OR1J2: variants seen among roughly 807,000 people sequenced by gnomAD.
OR1J2 encodes the protein olfactory receptor family 1 subfamily J member 2.
For missense variants in OR1J2, 304 were observed against 246.1 expected, an observed-to-expected ratio of 1.24 and a Z score of -1.57; for synonymous variants, 142 against 99.7, an observed-to-expected ratio of 1.42 and a Z score of -2.52.
the OR1J2 span, among the ~76,000 whole-genome samples, chr9:122,490,831 G>A: frequency 6.6e-6 from 1 of 152,198 alleles, no homozygotes; most frequent in Admixed American, 6.5e-5. Context: ...AAAGAGCCAT[G>A]GAAGGACTTG....
the OR1J2 span, among the ~76,000 whole-genome samples, chr9:122,460,927 G>A: frequency 4.6e-5 from 7 of 152,188 alleles, no homozygotes; most frequent in African/African-American, 1.7e-4. Flanking sequence ...CCCTCTTGGT[G>A]TATAACAGGG....
the OR1J2 span, among the ~76,000 whole-genome samples, chr9:122,489,167 A>G: frequency 2.0e-5 from 3 of 152,162 alleles, no homozygotes; most frequent in African/African-American, 7.2e-5. Flanking sequence ...GTGCTGTGGG[A>G]ACACAAAGGG....
At chr9:122,538,235 C>A in the OR1J2 span, among the ~76,000 whole-genome samples, 1 of 151,166 alleles carries the variant, frequency 6.6e-6, no homozygotes, top group South Asian at 2.1e-4. Context: ...CAACCGAGGA[C>A]CCACCCTGAC....
chr9:122,571,045 C>T, the OR1J2 span, among the ~76,000 whole-genome samples: 66 of 152,292 alleles, frequency 4.3e-4, no homozygotes, highest in African/African-American at 1.4e-3. Flanking sequence ...ATCTTACAAT[C>T]GTGCATTGGT....
chr9:122,545,117 A>G, the OR1J2 span, among the ~76,000 whole-genome samples: 1 of 152,070 alleles, frequency 6.6e-6, no homozygotes, highest in Non-Finnish European at 1.5e-5. Context: ...TGTATTGCTT[A>G]ATTTTCAAAT....
the OR1J2 span, among the ~76,000 whole-genome samples, chr9:122,500,659 G>A: frequency 2.6e-5 from 4 of 152,120 alleles, no homozygotes; most frequent in African/African-American, 4.8e-5. Context: ...CTGTTATGAC[G>A]GTGAATGGTT....
the OR1J2 span, among the ~76,000 whole-genome samples, chr9:122,474,422 G>A: frequency 1.3e-5 from 2 of 152,182 alleles, no homozygotes; most frequent in African/African-American, 4.8e-5. Flanking sequence ...TCCGCCTGAT[G>A]TGGGATGAGA....
At chr9:122,465,887 A>G in the OR1J2 span, among the ~76,000 whole-genome samples, 8 of 152,302 alleles carry the variant, frequency 5.3e-5, no homozygotes, top group Non-Finnish European at 1.0e-4. Flanking sequence ...TGGTCCTGTT[A>G]AAACCTGTCC....
chr9:122,525,278 G>T, the OR1J2 span, among the ~76,000 whole-genome samples: 1 of 152,100 alleles, frequency 6.6e-6, no homozygotes. Context: ...CTGAAGCCTG[G>T]AACAGTTTGA....
upstream of OR1J2, among the ~76,000 whole-genome samples, chr9:122,510,505 T>C (rs1208483464): frequency 2.6e-5 from 4 of 152,078 alleles, no homozygotes; most frequent in Non-Finnish European, 5.9e-5. Flanking sequence ...TATATATGTA[T>C]TTTTAAGTTC....
chr9:122,522,754 C>T, the OR1J2 span, among the ~76,000 whole-genome samples: 4 of 152,136 alleles, frequency 2.6e-5, no homozygotes, highest in African/African-American at 4.8e-5. Context: ...GGCAGTGTGC[C>T]TATTCTTGGT....
At chr9:122,488,204 C>T in the OR1J2 span, among the ~76,000 whole-genome samples, 1 of 152,132 alleles carries the variant, frequency 6.6e-6, no homozygotes, top group African/African-American at 2.4e-5. Flanking sequence ...GTGGCATGAT[C>T]TCAGCTCACT....
At chr9:122,551,844 C>A in the OR1J2 span, among the ~76,000 whole-genome samples, 949 of 152,176 alleles carry the variant, frequency 6.2e-3, 7 homozygotes, top group Non-Finnish European at 0.011. Flanking sequence ...AAGCTGAAAT[C>A]GAGCCATACA....
chr9:122,453,891 G>A, the OR1J2 span, among the ~76,000 whole-genome samples: 1 of 152,224 alleles, frequency 6.6e-6, no homozygotes, highest in African/African-American at 2.4e-5. Flanking sequence ...ATGCAGAGCT[G>A]TTAGCTGACA....
the OR1J2 span, chr9:122,553,098 T>TC: frequency 2.9e-6 from 3 of 1,020,020 alleles, no homozygotes; most frequent in Non-Finnish European, 4.0e-6. Flanking sequence ...TTTTCTTTTC[T>TC]TTTTCTCCCA....
chr9:122,448,518 G>A, the OR1J2 span, among the ~76,000 whole-genome samples: 1 of 152,144 alleles, frequency 6.6e-6, no homozygotes, highest in African/African-American at 2.4e-5. Context: ...ACGGGCGTCA[G>A]GCTGGGGGAT....
the OR1J2 span, chr9:122,526,982 C>T: frequency 6.2e-7 from 1 of 1,614,190 alleles, no homozygotes; most frequent in South Asian, 1.1e-5. Context: ...GATCACCAAA[C>T]ATCAGAAAGA....
At chr9:122,450,289 C>T in the OR1J2 span, among the ~76,000 whole-genome samples, 10 of 152,054 alleles carry the variant, frequency 6.6e-5, no homozygotes, top group East Asian at 1.6e-3. Context: ...AAATTAGCTG[C>T]GCTTGGTGGT....
At chr9:122,556,839 G>C in the OR1J2 span, among the ~76,000 whole-genome samples, 53 of 152,194 alleles carry the variant, frequency 3.5e-4, no homozygotes, top group Non-Finnish European at 6.2e-4. Flanking sequence ...AATCAAGTTG[G>C]GAAGAATGAC....
Sources: allele counts gnomAD v4.1 joint callset (sites outside exome capture counted in the v4.1 genomes callset), GRCh38; gene constraint gnomAD v4.1.1; transcripts MANE v1.5; gene names NCBI Gene and HGNC (gene_info 2026-07-23, HGNC 2026-07-21).